GLDC: variants seen among roughly 807,000 people sequenced by gnomAD.
The protein encoded by GLDC is glycine decarboxylase.
Under a neutral mutation model 121.3 loss-of-function variants are expected in GLDC, and 104 were observed. That is an observed-to-expected ratio of 0.86 (90% CI 0.73 to 1.01). The LOEUF is 1.01. GLDC is among the 50% of genes least tolerant of loss of function. The pLI is 0.00. For synonymous variants in GLDC, 546 were observed against 480.6 expected, an observed-to-expected ratio of 1.14 and a Z score of -1.78; for missense variants, 1,429 against 1,306.6, an observed-to-expected ratio of 1.09 and a Z score of -1.44.
intron 24 of GLDC, 53 bp from the exon 25 acceptor site, chr9:6,533,213 T>C (rs1205138675): frequency 6.5e-7 from 1 of 1,541,162 alleles, no homozygotes; most frequent in African/African-American, 1.4e-5. Flanking sequence ...AGGTTTCTCT[T>C]AGGGCAAAGG....
intron 2 of GLDC, among the ~76,000 whole-genome samples, chr9:6,624,715 G>T (rs28449309): frequency 0.01 from 1,581 of 152,192 alleles, 37 homozygotes; most frequent in African/African-American, 0.037. Flanking sequence ...GGTGGGGCAC[G>T]GTGGCTTACA....
At chr9:6,597,485 C>T (rs900484260) in intron 8 of GLDC, among the ~76,000 whole-genome samples, 2 of 152,182 alleles carry the variant, frequency 1.3e-5, no homozygotes, top group African/African-American at 4.8e-5. Context: ...GATCCCAACA[C>T]TTTGGGAGGC....
chr9:6,544,282 G>C (rs1417574215), intron 21 of GLDC, among the ~76,000 whole-genome samples: 1 of 152,106 alleles, frequency 6.6e-6, no homozygotes. Context: ...AGGGTCACTT[G>C]TGAGCCAAGG....
intron 22 of GLDC, 73 bp from the exon 23 acceptor site, chr9:6,536,309 T>A: frequency 8.2e-7 from 1 of 1,224,602 alleles, no homozygotes. Flanking sequence ...AAAGTTCGTA[T>A]CCCTTCTTAT....
chr9:6,640,631 GT>G (rs1266021492), intron 2 of GLDC, among the ~76,000 whole-genome samples: 1 of 152,202 alleles, frequency 6.6e-6, no homozygotes, highest in Admixed American at 6.5e-5. Context: ...ACATTGGAGG[GT>G]TTAGTTTCTC....
At chr9:6,639,315 C>G in intron 2 of GLDC, 1 of 932,036 alleles carries the variant, frequency 1.1e-6, no homozygotes. Flanking sequence ...AGAGACAGCC[C>G]AAATATCCTC....
intron 15 of GLDC, among the ~76,000 whole-genome samples, chr9:6,574,768 T>C (rs1378661156): frequency 6.6e-6 from 1 of 152,054 alleles, no homozygotes; most frequent in Admixed American, 6.5e-5. Flanking sequence ...GTCTCTCATA[T>C]TTGGCCCCCA....
intron 21 of GLDC, among the ~76,000 whole-genome samples, chr9:6,544,505 G>T (rs1247664518): frequency 6.6e-6 from 1 of 152,156 alleles, no homozygotes; most frequent in Non-Finnish European, 1.5e-5. Flanking sequence ...TCAGCCGAGT[G>T]CAGTGGCGGG....
intron 10 of GLDC, among the ~76,000 whole-genome samples, chr9:6,592,453 T>G (rs1006346683): frequency 5.3e-5 from 8 of 152,226 alleles, no homozygotes; most frequent in Non-Finnish European, 7.3e-5. Context: ...ATTCCATGGC[T>G]GCAGGACACT....
chr9:6,626,517 A>G (rs1190866721), intron 2 of GLDC, among the ~76,000 whole-genome samples: 1 of 133,380 alleles, frequency 7.5e-6, no homozygotes. Context: ...GTGTTTCAAG[A>G]CTGTGGGTCT....
chr9:6,534,725 C>G lies in GLDC; in HGVS notation c.2902G>C (p.Val968Leu). The change falls in exon 24 of 25, where the codon GTG becomes CTG. Residue 968 changes from valine (V) to leucine (L), a missense_variant. Physicochemically the swap from Val to Leu is conservative, Grantham distance 32. Coordinates refer to ENST00000321612, the MANE Select transcript of GLDC (RefSeq NM_000170.3). ...SHWDRPYSRE[V>L]AAFPLPFVKP... ...GAACTTACGAGTGGGAATGCTGCCA[C>G]CTCTCTGGAATAAGGCCGGTCCCAG... is the stretch of plus-strand genomic sequence containing the variant. 1 of 1,598,278 alleles carries G rather than the reference C, an allele frequency of 6.3e-7. No homozygotes were observed. The highest frequency in any genetic ancestry group is 1.1e-5 in the South Asian group (1 of 90,714).
At chr9:6,549,891 C>A (rs1395042594) in intron 21 of GLDC, among the ~76,000 whole-genome samples, 4 of 152,126 alleles carry the variant, frequency 2.6e-5, no homozygotes, top group African/African-American at 9.7e-5. Context: ...CTCCCCTGCT[C>A]AAAAACCTTT....
At chr9:6,598,786 C>G (rs1402933907) in intron 8 of GLDC, among the ~76,000 whole-genome samples, 2 of 152,218 alleles carry the variant, frequency 1.3e-5, no homozygotes, top group Non-Finnish European at 2.9e-5. Flanking sequence ...ATGGCCATCT[C>G]CAGGGCAAAC....
At chr9:6,607,686 C>T (rs1305406962) in intron 4 of GLDC, among the ~76,000 whole-genome samples, 6 of 151,774 alleles carry the variant, frequency 4.0e-5, no homozygotes, top group Non-Finnish European at 8.8e-5. Flanking sequence ...GTCTATCGCT[C>T]AGGCTGGAGT....
intron 20 of GLDC, among the ~76,000 whole-genome samples, 191 bp downstream of exon 20, chr9:6,553,177 G>C (rs1817550752): frequency 6.6e-6 from 1 of 152,162 alleles, no homozygotes; most frequent in Non-Finnish European, 1.5e-5. Context: ...TAATGAAGGA[G>C]AGATGAAATG....
intron 12 of GLDC, 61 bp downstream of exon 12, chr9:6,589,134 G>T: frequency 9.9e-7 from 1 of 1,011,900 alleles, no homozygotes; most frequent in South Asian, 1.3e-5. Context: ...GCAGCACTCT[G>T]CCTAACTCCC....
intron 16 of GLDC, among the ~76,000 whole-genome samples, chr9:6,560,953 C>G (rs1238798708): frequency 1.3e-5 from 2 of 152,136 alleles, no homozygotes; most frequent in Non-Finnish European, 2.9e-5. Context: ...ACAGAGGGAG[C>G]GGGAGATGTG....
At chr9:6,553,706 C>A (rs955931414) in intron 19 of GLDC, among the ~76,000 whole-genome samples, 197 bp from the exon 20 acceptor site, 1 of 152,040 alleles carries the variant, frequency 6.6e-6, no homozygotes, top group African/African-American at 2.4e-5. Flanking sequence ...GTCCACCAGC[C>A]ATCAGTGTCC....
Position 6,536,392 on chromosome 9 carries a change from T to C in GLDC, c.2666-156A>G, listed in dbSNP as rs112921617. Among the ~76,000 whole-genome samples the C allele has an allele frequency of 0.01, 1,593 of 152,286 alleles. 24 individuals carry two copies. The highest frequency in any genetic ancestry group is 0.035 in the African/African-American group (1,454 of 41,550). On this transcript the variant is annotated intron_variant, in intron 22 of 24. Coordinates refer to ENST00000321612, the MANE Select transcript of GLDC (RefSeq NM_000170.3). ...TGGGGACTCATCTCAGTGCTGTTCA[T>C]AGAAGAAAAATTTAGGAAACAACCT...
Sources: gnomAD v4.1 joint callset for allele counts (sites outside exome capture counted in the v4.1 genomes callset) on GRCh38, gnomAD v4.1.1 for gene constraint, MANE v1.5 for transcripts, NCBI Gene and HGNC (gene_info 2026-07-23, HGNC 2026-07-21) for gene names.